Variants in FRMPD4 observed in about 807,000 individuals in gnomAD.
FRMPD4 encodes FERM and PDZ domain containing 4.
Under a neutral mutation model 94.1 loss-of-function variants are expected in FRMPD4, and 22 were observed. That is an observed-to-expected ratio of 0.23 (90% CI 0.17 to 0.33). The LOEUF (loss-of-function observed/expected upper bound fraction) is 0.33, where lower values mean the gene tolerates loss of function less well. Among genes scored for constraint, FRMPD4 ranks in the 10% least tolerant of loss-of-function variants. FRMPD4 has a pLI of 1.00. For missense variants in FRMPD4, 1,111 were observed against 1,339.9 expected (o/e 0.83, Z 2.67); for synonymous variants, 631 against 548.6 (o/e 1.15, Z -2.10).
At chrX:11,987,099 A>G (rs1032857470) in intron 3 of FRMPD4, among the ~76,000 whole-genome samples, 1 of 43,717 alleles carries the variant, frequency 2.3e-5, no homozygotes, top group Non-Finnish European at 4.4e-5. Context: ...AAGACACATT[A>G]AAAAAAAAAA....
chrX:12,468,969 T>G (rs1023888709), intron 1 of FRMPD4, among the ~76,000 whole-genome samples: 2 of 112,538 alleles, frequency 1.8e-5, no homozygotes, highest in African/African-American at 6.5e-5. Context: ...TACATTCTAA[T>G]GAACAACTGC....
chrX:12,692,201 A>C (rs1054060662), intron 8 of FRMPD4, among the ~76,000 whole-genome samples: 1 of 112,447 alleles, frequency 8.9e-6, no homozygotes, highest in Non-Finnish European at 1.9e-5. Flanking sequence ...TTCTTTTAAA[A>C]TGTTGGAAGG....
At chrX:12,052,867 G>T (rs752858868) in intron 3 of FRMPD4, among the ~76,000 whole-genome samples, 2 of 111,632 alleles carry the variant, frequency 1.8e-5, no homozygotes, top group African/African-American at 3.3e-5. Flanking sequence ...ACATAAATAT[G>T]GCCGTATTTA....
intron 1 of FRMPD4, among the ~76,000 whole-genome samples, chrX:12,480,763 C>T (rs907712089): frequency 8.0e-5 from 9 of 112,261 alleles, no homozygotes; most frequent in Non-Finnish European, 1.3e-4. Context: ...ATTGGACGAT[C>T]GCGTTTCTAT....
chrX:12,179,118 T>C (rs756759956), intron 1 of FRMPD4, among the ~76,000 whole-genome samples: 5 of 111,754 alleles, frequency 4.5e-5, no homozygotes, highest in Admixed American at 1.9e-4. Flanking sequence ...GCTCTGACTA[T>C]TGGTTCTTTT....
chrX:11,957,996 A>G (rs1337290952), intron 3 of FRMPD4, among the ~76,000 whole-genome samples: 1 of 112,223 alleles, frequency 8.9e-6, no homozygotes, highest in Non-Finnish European at 1.9e-5. Context: ...GTATACCCTA[A>G]GGAAGTATCT....
chrX:12,563,371 C>A lies in FRMPD4; in HGVS notation c.159-46350C>A, dbSNP rs565990703. Among the ~76,000 whole-genome samples, 13 of 111,747 alleles carry A rather than the reference C, an allele frequency of 1.2e-4. No homozygotes were observed. In the South Asian group the frequency reaches 4.9e-3, roughly 42 times the overall value. On this transcript the variant is annotated intron_variant, in intron 2 of 16. Transcript: ENST00000675598. The stretch of plus-strand genomic sequence containing the variant: ...CTCAGTGAGATGTACAGGAGAGGAT[C>A]TCTGGAATTATGAAACCCAGAGCTT...
intron 1 of FRMPD4, among the ~76,000 whole-genome samples, chrX:12,458,444 G>A (rs1293018347): frequency 2.7e-5 from 3 of 111,657 alleles, no homozygotes; most frequent in Non-Finnish European, 3.8e-5. Context: ...AAAACTTAAT[G>A]GCTCAGAACG....
At chrX:12,171,030 A>G (rs1283496141) in intron 1 of FRMPD4, among the ~76,000 whole-genome samples, 2 of 113,491 alleles carry the variant, frequency 1.8e-5, no homozygotes, top group African/African-American at 3.2e-5. Flanking sequence ...TTTAGAAAGC[A>G]TCTGAGGGTC....
intron 1 of FRMPD4, among the ~76,000 whole-genome samples, chrX:12,384,803 G>C (rs1393354569): frequency 4.5e-5 from 5 of 112,042 alleles, no homozygotes; most frequent in African/African-American, 1.6e-4. Context: ...GTTTGCCAGA[G>C]GACATCCCAG....
chrX:11,916,142 G>C (rs1275458688), intron 3 of FRMPD4, among the ~76,000 whole-genome samples: 1 of 110,694 alleles, frequency 9.0e-6, no homozygotes. Context: ...GGGTATTCCA[G>C]GCATGTGGAA....
In FRMPD4 at chrX:12,163,904, C is replaced by G. The variant is rs764097775; in HGVS notation, c.41+24892C>G. Among the ~76,000 whole-genome samples the G allele has an allele frequency of 3.0e-4, 33 of 111,766 alleles. No individual in the cohort carries two copies. In the East Asian group the frequency reaches 5.9e-3, roughly 20 times the overall value. On this transcript the variant is annotated intron_variant, in intron 1 of 16. Transcript: ENST00000675598. ...GTCCCAACGTTTGGCTGATAAGAAC[C>G]ATTTTTTACCATCTCATGGGATTTG...
intron 3 of FRMPD4, among the ~76,000 whole-genome samples, chrX:11,933,150 C>T (rs1210187349): frequency 4.4e-5 from 5 of 112,505 alleles, no homozygotes; most frequent in Non-Finnish European, 9.4e-5. Flanking sequence ...AAGATAAACA[C>T]TGCTGACTTA....
intron 3 of FRMPD4, among the ~76,000 whole-genome samples, chrX:12,095,405 G>C (rs2040709019): frequency 9.2e-6 from 1 of 109,237 alleles, no homozygotes; most frequent in Admixed American, 9.8e-5. Context: ...ACTATTTCAT[G>C]ACATGTGAAA....
chrX:12,561,034 G>C (rs1315927547), intron 2 of FRMPD4, among the ~76,000 whole-genome samples: 1 of 109,594 alleles, frequency 9.1e-6, no homozygotes, highest in Non-Finnish European at 1.9e-5. Context: ...CTCCCAAAGT[G>C]CTGGGATTAC....
At chrX:12,385,489 G>C (rs1346336116) in intron 1 of FRMPD4, among the ~76,000 whole-genome samples, 1 of 112,151 alleles carries the variant, frequency 8.9e-6, no homozygotes, top group East Asian at 2.8e-4. Flanking sequence ...GTAATACCAA[G>C]GGACAAGGTC....
intron 1 of FRMPD4, among the ~76,000 whole-genome samples, chrX:12,249,442 A>G (rs1449281461): frequency 9.0e-6 from 1 of 111,344 alleles, no homozygotes; most frequent in Non-Finnish European, 1.9e-5. Context: ...CTAACACTGA[A>G]GGAACCCAAA....
chrX:12,342,893 A>G (rs1481441279), intron 1 of FRMPD4, among the ~76,000 whole-genome samples: 1 of 112,187 alleles, frequency 8.9e-6, no homozygotes, highest in East Asian at 2.8e-4. Flanking sequence ...GAAACCAAGT[A>G]TACAAAGAGA....
At chrX:11,916,706 C>A (rs1445139619) in intron 3 of FRMPD4, among the ~76,000 whole-genome samples, 2 of 111,517 alleles carry the variant, frequency 1.8e-5, no homozygotes, top group Non-Finnish European at 3.8e-5. Flanking sequence ...ATCAGTGCTG[C>A]CTTATGTTAA....
Sources: gnomAD v4.1 joint callset for allele counts (sites outside exome capture counted in the v4.1 genomes callset) on GRCh38, gnomAD v4.1.1 for gene constraint, MANE v1.5 for transcripts, NCBI Gene and HGNC (gene_info 2026-07-23, HGNC 2026-07-21) for gene names.